The following CHMP1A variants were observed in gnomAD, a reference collection of about 807,000 sequenced individuals.
CHMP1A encodes the protein charged multivesicular body protein 1A.
A neutral mutation model predicts 27.0 loss-of-function variants in CHMP1A; 17 were observed. That is an observed-to-expected ratio of 0.63 (90% CI 0.43 to 0.95). CHMP1A has a LOEUF of 0.95. CHMP1A is among the 40% of genes least tolerant of loss of function. The probability of loss-of-function intolerance (pLI) is 0.00; values close to 1 mark genes in which losing one functional copy is unlikely to be tolerated. For missense variants in CHMP1A, 275 were observed against 264.0 expected (o/e 1.04, Z -0.29); for synonymous variants, 131 against 107.5 (o/e 1.22, Z -1.35).
At chr16:89,646,884 G>GGCCCCGCCCCCCCCCCCC in intron 5 of CHMP1A, 170 bp from the exon 6 acceptor site, 1 of 709,060 alleles carries the variant, frequency 1.4e-6, no homozygotes, top group Non-Finnish European at 2.4e-6. Context: ...AGCCTTTCCT[G>GGCCCCGCCCCCCCCCCCC]CCCCCCCACC....
At chr16:89,647,120 G>A in intron 5 of CHMP1A, 83 bp downstream of exon 5, 1 of 1,555,896 alleles carries the variant, frequency 6.4e-7, no homozygotes, top group East Asian at 2.4e-5. Flanking sequence ...CAGCACGTCA[G>A]CCTGTGAGCC....
chr16:89,647,584 G>T (rs1196279687), intron 4 of CHMP1A, among the ~76,000 whole-genome samples: 1 of 144,040 alleles, frequency 6.9e-6, no homozygotes, highest in Admixed American at 7.1e-5. Flanking sequence ...CGGGGTCAGT[G>T]GAGAAAAGGC....
chr16:89,654,099 G>A (rs1264097931), intron 1 of CHMP1A, among the ~76,000 whole-genome samples, 176 bp from the exon 2 acceptor site: 1 of 152,196 alleles, frequency 6.6e-6, no homozygotes. Flanking sequence ...AGACAGATTC[G>A]TGTGCCAGCC....
At chr16:89,648,575 T>C (rs1207873820) in intron 4 of CHMP1A, among the ~76,000 whole-genome samples, 1 of 152,148 alleles carries the variant, frequency 6.6e-6, no homozygotes, top group Non-Finnish European at 1.5e-5. Context: ...CTGCCTCTTG[T>C]GGGAGTTGCC....
chr16:89,649,858 G>C (rs901389060), intron 3 of CHMP1A, among the ~76,000 whole-genome samples: 23 of 152,160 alleles, frequency 1.5e-4, no homozygotes, highest in Non-Finnish European at 3.2e-4. Context: ...TCACAGGCGT[G>C]AGCCACCGCG....
Position 89,651,110 on chromosome 16 carries a change from G to C in CHMP1A, c.105+459C>G, listed in dbSNP as rs76537256. 5.9e-3 allele frequency among the ~76,000 whole-genome samples: 897 copies of C among 152,220 alleles called. 7 individuals carry two copies. Among genetic ancestry groups the C allele is most frequent in the African/African-American group, 0.021 (863 of 41,538 alleles). On this transcript the variant is annotated intron_variant, in intron 3 of 6. Coordinates refer to ENST00000397901, the MANE Select transcript of CHMP1A (RefSeq NM_002768.5). ...AGTGAGGATTAGGCTGGGCACAGTG[G>C]CTCATGCCTGCAATACCAGCACTTT...
At position 89,657,602 on chromosome 16, in the gene CHMP1A, G is replaced by A. The variant is rs753842172; in HGVS notation, c.-14C>T. 2.9e-5 allele frequency: 47 copies of A among 1,611,080 alleles called. No individual in the cohort carries two copies. The South Asian group carries it at 4.2e-4, about 14-fold the overall frequency. On this transcript the variant is annotated 5_prime_UTR_variant, in exon 1 of 7. Transcript: ENST00000397901. ...CTTACCGTCCATGGCCACAATGACAGGAGCAGCACTCGGAGAGGGAGAAGG... is the reference window on the plus strand; with the variant it reads ...CTTACCGTCCATGGCCACAATGACAAGAGCAGCACTCGGAGAGGGAGAAGG...
chr16:89,649,367 G>A lies in CHMP1A; in HGVS notation c.236C>T (p.Ala79Val). The A allele has an allele frequency of 1.9e-6, 3 of 1,612,854 alleles. No homozygotes were observed. The highest frequency in any genetic ancestry group is 2.5e-6 in the Non-Finnish European group (3 of 1,179,174). Reference sequence around the variant, plus strand: ...AGCACTCACCCCCTTCATAGTCACAGCTGTCTGCACCTTGGAGGCCACTGC... The same window carrying A: ...AGCACTCACCCCCTTCATAGTCACAACTGTCTGCACCTTGGAGGCCACTGC... ...VDAVASKVQT[A>V]VTMKGVTKNM... is the part of the protein sequence containing the mutation. The change falls in exon 4 of 7, where the codon GCT (alanine) becomes GTT (valine). Residue 79 changes from alanine to valine, a missense_variant. Ala to Val is a moderately conservative substitution (Grantham distance 64, BLOSUM62 0). Transcript: ENST00000397901.
At position 89,645,979 on chromosome 16, in the gene CHMP1A, C is replaced by T; in HGVS notation, c.*87G>A. The T allele has an allele frequency of 6.2e-7, 1 of 1,612,320 alleles. No homozygotes were observed. Among genetic ancestry groups the T allele is most frequent in the Non-Finnish European group, 8.5e-7 (1 of 1,179,488 alleles). The stretch of plus-strand genomic sequence containing the variant: ...GCTGCCGGCCGCAGCCCCGCGGGGT[C>T]AGCACAAAGGCAAGACGCGGTGGGG... On this transcript the variant is annotated 3_prime_UTR_variant, in exon 7 of 7. Coordinates refer to ENST00000397901, the MANE Select transcript of CHMP1A (RefSeq NM_002768.5).
In CHMP1A at chr16:89,645,274, C is replaced by T. The variant is rs368930645; in HGVS notation, c.*792G>A. On this transcript the variant is annotated 3_prime_UTR_variant, in exon 7 of 7. Coordinates refer to ENST00000397901, the MANE Select transcript of CHMP1A (RefSeq NM_002768.5). Reference sequence around the variant, plus strand: ...AGGGGAGGAGCTGCAGACGCACCCGCTGGGACCGCAGCCTGCTGGTGGACA... The same window carrying T: ...AGGGGAGGAGCTGCAGACGCACCCGTTGGGACCGCAGCCTGCTGGTGGACA... The T allele has an allele frequency of 1.3e-5, 2 of 152,706 alleles. No homozygotes were observed. Among genetic ancestry groups the T allele is most frequent in the South Asian group, 2.1e-4 (1 of 4,842 alleles). The allele number at this position is 152,706 out of a possible 1,614,324, so 9.5% of individuals were successfully genotyped here.
At position 89,657,685 on chromosome 16, in the gene CHMP1A, C is replaced by G. The variant is rs1028111341; in HGVS notation, c.-97G>C. The G allele has an allele frequency of 6.3e-7, 1 of 1,580,778 alleles. No individual in the cohort carries two copies. Among genetic ancestry groups the G allele is most frequent in the African/African-American group, 1.4e-5 (1 of 72,552 alleles). On this transcript the variant is annotated 5_prime_UTR_variant, in exon 1 of 7. Coordinates refer to ENST00000397901, the MANE Select transcript of CHMP1A (RefSeq NM_002768.5). ...GGCGATCGAACCGACCAAGCTGCAC[C>G]CGGCGGGGACTTCCGGGGTCGCCGC...
chr16:89,647,637 C>T (rs11641793), intron 4 of CHMP1A, among the ~76,000 whole-genome samples: 2 of 63,186 alleles, frequency 3.2e-5, no homozygotes, highest in Non-Finnish European at 7.6e-5. Flanking sequence ...GAGAAAAGGC[C>T]GCCGACGTGG....
At chr16:89,652,136 A>G (rs1180439351) in intron 2 of CHMP1A, among the ~76,000 whole-genome samples, 1 of 152,234 alleles carries the variant, frequency 6.6e-6, no homozygotes, top group African/African-American at 2.4e-5. Flanking sequence ...GGGCAGCACA[A>G]GCAGCTTCCG....
intron 1 of CHMP1A, among the ~76,000 whole-genome samples, chr16:89,655,019 G>T (rs909861115): frequency 1.3e-5 from 2 of 152,050 alleles, no homozygotes; most frequent in Non-Finnish European, 2.9e-5. Context: ...TTTGGAGAGC[G>T]ACCCTGACCC....
rs528958775 is a variant in CHMP1A, at chr16:89,648,692, A to G, written c.252+659T>C. Among the ~76,000 whole-genome samples, 227 of 151,720 alleles carry G rather than the reference A, an allele frequency of 1.5e-3. 1 individual carries two copies. The highest frequency in any genetic ancestry group is 4.8e-3 in the African/African-American group (200 of 41,348). On this transcript the variant is annotated intron_variant, in intron 4 of 6. Transcript: ENST00000397901. The stretch of plus-strand genomic sequence containing the variant: ...GATTGCTTGAGGCCAGGAGTTTGAG[A>G]CCAGAGCGGCCAACATAGACACCCT...
chr16:89,652,828 C>A (rs2059835536), intron 2 of CHMP1A, among the ~76,000 whole-genome samples: 1 of 152,134 alleles, frequency 6.6e-6, no homozygotes, highest in Admixed American at 6.6e-5. Context: ...ATAAAGCTGG[C>A]CACAGATGAG....
chr16:89,656,508 T>C (rs905555517), intron 1 of CHMP1A, among the ~76,000 whole-genome samples: 1 of 152,176 alleles, frequency 6.6e-6, no homozygotes, highest in Non-Finnish European at 1.5e-5. Context: ...TAGGACTTCA[T>C]TTTGCCAGAT....
In CHMP1A at chr16:89,646,618, C is replaced by G; in HGVS notation, c.478G>C (p.Glu160Gln). Residue 160 changes from glutamate (E) to glutamine (Q), a missense_variant, in exon 6 of 7, where the codon GAG (glutamate) becomes CAG (glutamine). Transcript: ENST00000397901. Reference protein sequence around the residue: ...IMQIAEENGLEVLDQLSQLPE... With the variant: ...IMQIAEENGLQVLDQLSQLPE... Reference sequence around the variant, plus strand: ...AGCTGGCTGAGCTGGTCCAGCACCTCCAGGCCATTCTCCTCGGCGATCTGC... The same window carrying G: ...AGCTGGCTGAGCTGGTCCAGCACCTGCAGGCCATTCTCCTCGGCGATCTGC... The G allele has an allele frequency of 6.2e-7, 1 of 1,607,740 alleles. No individual in the cohort carries two copies. Among genetic ancestry groups the G allele is most frequent in the Non-Finnish European group, 8.5e-7 (1 of 1,177,888 alleles).
At chr16:89,646,391 C>CT in intron 6 of CHMP1A, 136 bp downstream of exon 6, 1 of 1,051,084 alleles carries the variant, frequency 9.5e-7, no homozygotes, top group Non-Finnish European at 1.4e-6. Context: ...GCTGGGGCCT[C>CT]TGAGTCGAGA....
Sources: allele counts gnomAD v4.1 joint callset (sites outside exome capture counted in the v4.1 genomes callset), GRCh38; gene constraint gnomAD v4.1.1; transcripts MANE v1.5; gene names NCBI Gene and HGNC (gene_info 2026-07-23, HGNC 2026-07-21).